Variants in ARFGAP3 observed in about 807,000 individuals in gnomAD.
ARFGAP3 encodes the protein ARF GTPase activating protein 3, also known as ADP-ribosylation factor GTPase-activating protein 3.
In ARFGAP3, 72 loss-of-function variants were observed where a neutral mutation model predicts 75.0. That is an observed-to-expected ratio of 0.96 (90% CI 0.79 to 1.17). The LOEUF (loss-of-function observed/expected upper bound fraction) is 1.17. Among genes scored for constraint, ARFGAP3 ranks in the 50% most tolerant of loss-of-function variants. ARFGAP3 has a pLI of 0.00. For synonymous variants in ARFGAP3, 221 were observed against 217.9 expected, an observed-to-expected ratio of 1.01 and a Z score of -0.13; for missense variants, 620 against 626.6, an observed-to-expected ratio of 0.99 and a Z score of 0.11.
At chr22:42,857,026 C>G in intron 1 of ARFGAP3, 88 bp downstream of exon 1, 1 of 1,355,620 alleles carries the variant, frequency 7.4e-7, no homozygotes, top group African/African-American at 1.5e-5. Context: ...GGCCCCGCCT[C>G]CCAAGCCACG....
chr22:42,845,717 G>T (rs1392378100), intron 2 of ARFGAP3, among the ~76,000 whole-genome samples: 1 of 152,028 alleles, frequency 6.6e-6, no homozygotes, highest in African/African-American at 2.4e-5. Context: ...TTAAAGGTAA[G>T]ACCTAAAACT....
chr22:42,801,140 A>C lies in ARFGAP3; in HGVS notation c.1412-1980T>G, dbSNP rs183496913. ...CATGGGGCGGTGCCTGAGCATGAGG[A>C]GGCGGCAGTGGGGATCAGGAGGGAA... On this transcript the variant is annotated intron_variant, in intron 14 of 15. Coordinates refer to ENST00000263245, the MANE Select transcript of ARFGAP3 (RefSeq NM_014570.5). Among the ~76,000 whole-genome samples the C allele has an allele frequency of 2.5e-3, 383 of 152,222 alleles. 3 individuals carry two copies. Among genetic ancestry groups the C allele is most frequent in the African/African-American group, 8.6e-3 (357 of 41,556 alleles).
intron 1 of ARFGAP3, among the ~76,000 whole-genome samples, chr22:42,850,571 CAAAAAAAAAAAAAA>C (rs57841993): frequency 1.6e-4 from 9 of 57,586 alleles, no homozygotes; most frequent in Admixed American, 1.5e-3. Context: ...ACCCTGCTAT[CAAAAAAAAAAAAAA>C]AAAAAAAAAA....
Position 42,817,246 on chromosome 22 carries a change from C to A in ARFGAP3, c.960G>T (p.Val320=). ...GCTCTATGGTCTGCATATCTGAAGT[C>A]ACTGAATGTGAAATAACACTTGAGA... ...GNCRSVISHS[V]TSDMQTIEQE... The change falls in exon 11 of 16, where the codon GTG becomes GTT. Residue 320 remains valine, a synonymous_variant. Transcript: ENST00000263245. The A allele has an allele frequency of 6.2e-7, 1 of 1,609,508 alleles. No homozygotes were observed. Among genetic ancestry groups the A allele is most frequent in the South Asian group, 1.1e-5 (1 of 90,078 alleles).
intron 6 of ARFGAP3, among the ~76,000 whole-genome samples, chr22:42,830,322 C>G (rs1398476452): frequency 1.3e-5 from 2 of 152,092 alleles, no homozygotes; most frequent in African/African-American, 4.8e-5. Context: ...CACTCTGGGA[C>G]ACAGCTGAGT....
chr22:42,808,950 A>G (rs1443023638), intron 12 of ARFGAP3, 60 bp from the exon 13 acceptor site: 52 of 1,396,264 alleles, frequency 3.7e-5, no homozygotes, highest in Non-Finnish European at 4.8e-5. Flanking sequence ...AATGTGTTTC[A>G]TACTCATTTT....
chr22:42,851,239 T>C (rs116990933), intron 1 of ARFGAP3, among the ~76,000 whole-genome samples: 1,802 of 152,316 alleles, frequency 0.012, 60 homozygotes, highest in Admixed American at 0.082. Context: ...GATTGTTTCC[T>C]AGTAAGCAAG....
chr22:42,835,221 C>T (rs1926465354), intron 4 of ARFGAP3, 141 bp downstream of exon 4: 1 of 928,822 alleles, frequency 1.1e-6, no homozygotes. Context: ...AACATAACTA[C>T]TTCAATAGTA....
intron 3 of ARFGAP3, among the ~76,000 whole-genome samples, chr22:42,839,547 G>A (rs1254601885): frequency 6.7e-6 from 1 of 149,006 alleles, no homozygotes; most frequent in East Asian, 2.0e-4. Flanking sequence ...GCAGTGAGCT[G>A]AGATGGCGCC....
chr22:42,856,880 C>CG (rs1436463743), intron 1 of ARFGAP3, among the ~76,000 whole-genome samples: 1 of 151,280 alleles, frequency 6.6e-6, no homozygotes, highest in Admixed American at 6.6e-5. Flanking sequence ...CCGCCGCCCC[C>CG]GGGAACGCTC....
At chr22:42,834,148 A>C in intron 5 of ARFGAP3, 94 bp downstream of exon 5, 1 of 1,163,856 alleles carries the variant, frequency 8.6e-7, no homozygotes, top group Non-Finnish European at 1.2e-6. Context: ...TCTTGTTACA[A>C]GAGCTTAGCC....
At position 42,828,939 on chromosome 22, in the gene ARFGAP3, C is replaced by A. The variant is rs1436833470; in HGVS notation, c.566-1940G>T. ...GCCTCTAGTGATCCACCCGCCTCAG[C>A]CATCCAAAGTGTTGGGATTATAGGC... On this transcript the variant is annotated intron_variant, in intron 6 of 15. Transcript: ENST00000263245. Among the ~76,000 whole-genome samples the A allele has an allele frequency of 2.0e-5, 3 of 152,190 alleles. No individual in the cohort carries two copies. In the East Asian group the frequency reaches 5.8e-4, roughly 29 times the overall value.
chr22:42,847,404 G>T (rs1370292434), intron 2 of ARFGAP3, 110 bp downstream of exon 2: 3 of 897,058 alleles, frequency 3.3e-6, no homozygotes, highest in Non-Finnish European at 5.2e-6. Context: ...CAGCCAAGGT[G>T]ACAGGCGACA....
At chr22:42,804,667 A>G (rs1925040405) in intron 14 of ARFGAP3, among the ~76,000 whole-genome samples, 1 of 152,104 alleles carries the variant, frequency 6.6e-6, no homozygotes, top group South Asian at 2.1e-4. Flanking sequence ...GGCGTGAGCC[A>G]CTGTGACTGG....
chr22:42,822,301 G>C lies in ARFGAP3; in HGVS notation c.781C>G (p.Leu261Val). Residue 261 changes from leucine (L) to valine (V), a missense_variant, in exon 9 of 16, where the codon CTG (leucine) becomes GTG (valine). Coordinates refer to ENST00000263245, the MANE Select transcript of ARFGAP3 (RefSeq NM_014570.5). ...TCTTCTTTAGATACCACCTTGGCCA[G>C]GTCTTCCTGCTCCTTCATTTTATCC... ...AADKMKEQED[L>V]AKVVSKEESI... is the part of the protein sequence containing the mutation. The C allele has an allele frequency of 2.5e-6, 4 of 1,613,924 alleles. No homozygotes were observed. The highest frequency in any genetic ancestry group is 2.2e-5 in the East Asian group (1 of 44,880).
At chr22:42,818,518 A>G (rs1925676788) in intron 9 of ARFGAP3, among the ~76,000 whole-genome samples, 1 of 152,204 alleles carries the variant, frequency 6.6e-6, no homozygotes, top group African/African-American at 2.4e-5. Context: ...AGGGGTAAAA[A>G]GGTGTACAAA....
rs1036301287 is a variant in ARFGAP3 at position 42,807,124 on chromosome 22, A to C, written c.1360T>G (p.Ser454Ala). The C allele has an allele frequency of 4.3e-6, 7 of 1,613,038 alleles. No homozygotes were observed. Among genetic ancestry groups the C allele is most frequent in the Non-Finnish European group, 5.9e-6 (7 of 1,179,602 alleles). The change falls in exon 14 of 16, where the codon TCC (serine) becomes GCC (alanine). Residue 454 changes from serine (S) to alanine (A), a missense_variant. Ser to Ala is a moderately conservative substitution (Grantham distance 99). Transcript: ENST00000263245. ...RARLERLSAS[S>A]SISSADLFEE... ...AACAGATCAGCCGAGCTTATGGAGG[A>C]ACTTGCCGACAGCCTCTCTAGGCGG...
chr22:42,825,832 T>C (rs1043506791), intron 7 of ARFGAP3, among the ~76,000 whole-genome samples: 1 of 152,320 alleles, frequency 6.6e-6, no homozygotes, highest in African/African-American at 2.4e-5. Flanking sequence ...TCTTTAGAAT[T>C]ATGTCTAAGA....
intron 5 of ARFGAP3, among the ~76,000 whole-genome samples, chr22:42,833,834 TG>T (rs1252834678): frequency 2.0e-5 from 3 of 152,198 alleles, no homozygotes; most frequent in African/African-American, 7.2e-5. Context: ...GAGAATCACT[TG>T]AACCCAGGGG....
Sources: allele counts gnomAD v4.1 joint callset (sites outside exome capture counted in the v4.1 genomes callset), GRCh38; gene constraint gnomAD v4.1.1; transcripts MANE v1.5; gene names NCBI Gene and HGNC (gene_info 2026-07-23, HGNC 2026-07-21).